Variants in RNLS observed in about 807,000 individuals in gnomAD.
The protein encoded by RNLS is renalase.
Under a neutral mutation model 39.8 loss-of-function variants are expected in RNLS, and 39 were observed. The ratio of observed to expected loss-of-function variants is 0.98; its 90% confidence interval spans 0.76 to 1.28. The LOEUF (loss-of-function observed/expected upper bound fraction) is 1.28. Among genes scored for constraint, RNLS ranks in the 50% most tolerant of loss-of-function variants. The probability of loss-of-function intolerance (pLI) is 0.00; values close to 1 mark genes in which losing one functional copy is unlikely to be tolerated. For missense variants in RNLS, 410 were observed against 413.3 expected, an observed-to-expected ratio of 0.99 and a Z score of 0.07; for synonymous variants, 147 against 150.7, an observed-to-expected ratio of 0.98 and a Z score of 0.18.
At chr10:88,242,933 G>A in the RNLS span, among the ~76,000 whole-genome samples, 2 of 147,088 alleles carry the variant, frequency 1.4e-5, no homozygotes, top group Non-Finnish European at 3.0e-5. Context: ...GGCAACAAGA[G>A]CGAAACTCTG....
intron 4 of RNLS, among the ~76,000 whole-genome samples, chr10:88,443,238 G>A (rs1044654984): frequency 6.6e-5 from 10 of 151,960 alleles, no homozygotes; most frequent in African/African-American, 1.5e-4. Flanking sequence ...TCTACACTGC[G>A]GCCAGAGTGA....
intron 4 of RNLS, among the ~76,000 whole-genome samples, chr10:88,553,989 C>A (rs1848725570): frequency 6.6e-6 from 1 of 152,012 alleles, no homozygotes; most frequent in Admixed American, 6.6e-5. Flanking sequence ...AAAGAATGAA[C>A]ACCACATCCT....
the RNLS span, among the ~76,000 whole-genome samples, chr10:88,203,454 G>GTA: frequency 0.15 from 122 of 806 alleles, 15 homozygotes; most frequent in Admixed American, 0.31. Flanking sequence ...GTGTGTGTGT[G>GTA]TGTATATATA....
chr10:88,509,654 A>T (rs1845994281), intron 4 of RNLS, among the ~76,000 whole-genome samples: 1 of 151,986 alleles, frequency 6.6e-6, no homozygotes, highest in South Asian at 2.1e-4. Flanking sequence ...AGATTAGGAG[A>T]CAACTCAAAA....
At chr10:88,371,528 T>C (rs977359488) in intron 4 of RNLS, among the ~76,000 whole-genome samples, 3 of 152,140 alleles carry the variant, frequency 2.0e-5, no homozygotes, top group African/African-American at 7.2e-5. Flanking sequence ...TTAACATACA[T>C]TGTGGAATTC....
chr10:88,404,061 C>CA (rs896647314), intron 4 of RNLS, among the ~76,000 whole-genome samples: 1 of 151,160 alleles, frequency 6.6e-6, no homozygotes, highest in African/African-American at 2.4e-5. Flanking sequence ...CAAAAAAGGA[C>CA]AAAAAAAATG....
intron 5 of RNLS, among the ~76,000 whole-genome samples, chr10:88,345,498 A>T (rs1026301565): frequency 1.3e-5 from 2 of 152,188 alleles, no homozygotes; most frequent in Non-Finnish European, 2.9e-5. Flanking sequence ...TATTTTTAAC[A>T]AAGGGTGATT....
chr10:88,528,114 C>T (rs1847214391), intron 4 of RNLS, among the ~76,000 whole-genome samples: 1 of 151,556 alleles, frequency 6.6e-6, no homozygotes, highest in South Asian at 2.1e-4. Context: ...TACATATATG[C>T]ATATATTGGC....
exon 7 of RNLS, chr10:88,274,850 A>T: frequency 1.3e-6 from 1 of 778,810 alleles, no homozygotes; most frequent in Middle Eastern, 2.3e-4. Flanking sequence ...CCTTGCCAAC[A>T]TTTATCTTCT....
intron 4 of RNLS, among the ~76,000 whole-genome samples, chr10:88,508,926 G>A (rs1318730506): frequency 6.6e-6 from 1 of 151,582 alleles, no homozygotes. Context: ...ATTCTCAAAG[G>A]CACTGCACAT....
rs539224839 is a variant in RNLS, at chr10:88,467,243, GT to G, written c.527-104519del. Among the ~76,000 whole-genome samples the G allele has an allele frequency of 2.3e-3, 343 of 151,020 alleles. 1 individual carries two copies. The highest frequency in any genetic ancestry group is 5.0e-3 in the African/African-American group (205 of 41,062). ...GCCTGAAGCTTTCAGAAAAGGAAAA[GT>G]TTTTTTCAAAAAAGTCCAGGCTCTA... is the stretch of plus-strand genomic sequence containing the variant. On this transcript the variant is annotated intron_variant, in intron 4 of 6. Coordinates refer to ENST00000331772, the MANE Select transcript of RNLS (RefSeq NM_001031709.3).
chr10:88,501,773 C>T (rs1002835427), intron 4 of RNLS, among the ~76,000 whole-genome samples: 4 of 152,144 alleles, frequency 2.6e-5, no homozygotes, highest in African/African-American at 7.2e-5. Context: ...CTTGCCAAGA[C>T]TAGCTTGAAA....
At chr10:88,436,112 G>A (rs2133827921) in intron 4 of RNLS, among the ~76,000 whole-genome samples, 1 of 152,182 alleles carries the variant, frequency 6.6e-6, no homozygotes, top group African/African-American at 2.4e-5. Context: ...GAAGCCAGAT[G>A]TGAGGACAAG....
At chr10:88,457,642 T>G (rs1218639643) in intron 4 of RNLS, among the ~76,000 whole-genome samples, 1 of 152,190 alleles carries the variant, frequency 6.6e-6, no homozygotes, top group Non-Finnish European at 1.5e-5. Flanking sequence ...TTGTTGATAT[T>G]TTATAATTTT....
chr10:88,172,836 T>C, the RNLS span, among the ~76,000 whole-genome samples: 3 of 138,328 alleles, frequency 2.2e-5, no homozygotes, highest in Non-Finnish European at 4.6e-5. Context: ...CTGTGCATTT[T>C]GAGTTGTTTT....
At chr10:88,532,571 G>A (rs1203010654) in intron 4 of RNLS, among the ~76,000 whole-genome samples, 3 of 151,974 alleles carry the variant, frequency 2.0e-5, no homozygotes, top group Admixed American at 6.6e-5. Flanking sequence ...ATTCTGTGGA[G>A]GGTACAATTA....
At chr10:88,256,673 T>C in the RNLS span, among the ~76,000 whole-genome samples, 1 of 152,216 alleles carries the variant, frequency 6.6e-6, no homozygotes, top group Admixed American at 6.5e-5. Context: ...TTAGCCTTAA[T>C]TGAGTACGAA....
At chr10:88,369,877 G>T (rs1239484694) in intron 4 of RNLS, among the ~76,000 whole-genome samples, 1 of 152,090 alleles carries the variant, frequency 6.6e-6, no homozygotes, top group Non-Finnish European at 1.5e-5. Context: ...GCAGAGACAG[G>T]ATTTCACCAT....
intron 4 of RNLS, among the ~76,000 whole-genome samples, chr10:88,404,017 C>A (rs1853108907): frequency 6.6e-6 from 1 of 151,958 alleles, no homozygotes; most frequent in African/African-American, 2.4e-5. Flanking sequence ...GAACTCCAGC[C>A]TCGGCAACAG....
Sources: gnomAD v4.1 joint callset for allele counts (sites outside exome capture counted in the v4.1 genomes callset) on GRCh38, gnomAD v4.1.1 for gene constraint, MANE v1.5 for transcripts, NCBI Gene and HGNC (gene_info 2026-07-23, HGNC 2026-07-21) for gene names.